NADSYN1: variants seen among roughly 807,000 people sequenced by gnomAD.
NADSYN1 encodes glutamine-dependent NAD(+) synthetase.
NADSYN1 carries 80 observed loss-of-function variants against 99.3 expected under a neutral mutation model. That is an observed-to-expected ratio of 0.81 (90% CI 0.67 to 0.97). The LOEUF is 0.97. Ranked by LOEUF, NADSYN1 falls within the 50% of genes least tolerant of loss-of-function variation. The pLI, the probability that NADSYN1 is intolerant of heterozygous loss-of-function variation, is 0.00. For missense variants in NADSYN1, 859 were observed against 948.5 expected (o/e 0.91, Z 1.24); for synonymous variants, 385 against 372.1 (o/e 1.03, Z -0.40).
At chr11:71,501,003 C>T (rs1949853880) in intron 20 of NADSYN1, among the ~76,000 whole-genome samples, 1 of 152,082 alleles carries the variant, frequency 6.6e-6, no homozygotes. Flanking sequence ...GGGCGGGCTC[C>T]CCCAGATCAG....
chr11:71,457,683 C>G (rs1466130347), intron 2 of NADSYN1, among the ~76,000 whole-genome samples: 3 of 152,164 alleles, frequency 2.0e-5, no homozygotes, highest in Non-Finnish European at 4.4e-5. Context: ...TGGGGAGGGT[C>G]CCTCGTGCCT....
chr11:71,486,286 T>C lies in NADSYN1; in HGVS notation c.1562+638T>C, dbSNP rs1003782769. Among the ~76,000 whole-genome samples the C allele has an allele frequency of 4.6e-5, 7 of 152,056 alleles. 1 individual carries two copies. Among genetic ancestry groups the C allele is most frequent in the African/African-American group, 1.5e-4 (6 of 41,312 alleles). On this transcript the variant is annotated intron_variant, in intron 16 of 20. Transcript: ENST00000319023. ...ATTCATTTGTTTGTCTATGCATCCA[T>C]CTATCCATCCATCAGTTGGGCCATC...
chr11:71,466,044 T>C (rs1201561712), intron 5 of NADSYN1, among the ~76,000 whole-genome samples: 1 of 152,226 alleles, frequency 6.6e-6, no homozygotes, highest in East Asian at 1.9e-4. Context: ...TAATGGGCAA[T>C]TTCGTCTTTT....
At chr11:71,491,551 C>T (rs1441989205) in intron 17 of NADSYN1, among the ~76,000 whole-genome samples, 2 of 152,182 alleles carry the variant, frequency 1.3e-5, no homozygotes, top group African/African-American at 4.8e-5. Flanking sequence ...AGAGTCCCCT[C>T]GACCTAGGTG....
At chr11:71,476,226 G>T (rs776226337) in intron 9 of NADSYN1, 1 of 400,730 alleles carries the variant, frequency 2.5e-6, no homozygotes, top group Admixed American at 2.8e-5. Context: ...CTTTGGACCC[G>T]ACGGCCTTCC....
intron 5 of NADSYN1, among the ~76,000 whole-genome samples, chr11:71,465,599 C>G (rs918344662): frequency 6.6e-6 from 1 of 152,232 alleles, no homozygotes; most frequent in African/African-American, 2.4e-5. Flanking sequence ...ACTGGCATAG[C>G]TGGTCTCCCC....
chr11:71,476,964 G>T (rs762629827), intron 9 of NADSYN1: 251 of 1,003,786 alleles, frequency 2.5e-4, no homozygotes, highest in Non-Finnish European at 2.9e-4. Flanking sequence ...GTAGGCTGTG[G>T]CCACAGGCCT....
In NADSYN1 at chr11:71,491,690, C is replaced by T. The variant is rs1194475437; in HGVS notation, c.1695-144C>T. ...CTCACCCCCGCTGGAAAGCCCAGCA[C>T]CGCAAGCCTTGGTGACGTCCTACCC... On this transcript the variant is annotated intron_variant, in intron 17 of 20. Coordinates refer to ENST00000319023, the MANE Select transcript of NADSYN1 (RefSeq NM_018161.5). The T allele has an allele frequency of 2.8e-6, 2 of 713,038 alleles. 1 individual carries two copies. Among genetic ancestry groups the T allele is most frequent in the South Asian group, 3.5e-5 (2 of 57,322 alleles). 44.2% of individuals were successfully genotyped at this position (713,038 alleles called of 1,614,324 possible).
chr11:71,473,864 C>T (rs756221162), intron 8 of NADSYN1, among the ~76,000 whole-genome samples, 178 bp downstream of exon 8: 3 of 152,230 alleles, frequency 2.0e-5, no homozygotes, highest in Non-Finnish European at 4.4e-5. Context: ...CCGGCACAGC[C>T]CATCTCACCC....
intron 10 of NADSYN1, 199 bp downstream of exon 10, chr11:71,478,668 TGGGCCAGGCCCTGAGCTGG>T (rs1949685723): frequency 3.5e-6 from 2 of 567,168 alleles, no homozygotes; most frequent in East Asian, 6.1e-5. Context: ...ATCCTCTGCT[TGGGCCAGGCCCTGAGCTGG>T]GGTGAGCTGG....
At chr11:71,490,066 G>A (rs1458536259) in intron 16 of NADSYN1, among the ~76,000 whole-genome samples, 2 of 152,154 alleles carry the variant, frequency 1.3e-5, no homozygotes, top group East Asian at 3.9e-4. Flanking sequence ...GTAGGACACA[G>A]GTCCAGTATG....
intron 7 of NADSYN1, 50 bp from the exon 8 acceptor site, chr11:71,473,519 G>A: frequency 1.3e-6 from 2 of 1,563,520 alleles, no homozygotes; most frequent in Non-Finnish European, 1.8e-6. Flanking sequence ...CAGGGAGGCT[G>A]GTTTGGAGGA....
chr11:71,472,347 A>C (rs1195527712), intron 5 of NADSYN1, 102 bp from the exon 6 acceptor site: 1 of 943,738 alleles, frequency 1.1e-6, no homozygotes, highest in Non-Finnish European at 1.8e-6. Context: ...TTGCCAGTTC[A>C]TCAGTTCGGA....
At chr11:71,472,574 CG>C in intron 6 of NADSYN1, 74 bp downstream of exon 6, 5 of 1,390,214 alleles carry the variant, frequency 3.6e-6, no homozygotes, top group South Asian at 2.3e-5. Flanking sequence ...CCAGGTGGGG[CG>C]GGAACGCTTT....
rs540708007 is a variant in NADSYN1, at chr11:71,492,756, G to A, written c.1764+853G>A. Among the ~76,000 whole-genome samples the A allele has an allele frequency of 6.2e-4, 94 of 152,268 alleles. No individual in the cohort carries two copies. The South Asian group carries it at 8.9e-3, about 14-fold the overall frequency. On this transcript the variant is annotated intron_variant, in intron 18 of 20. Coordinates refer to ENST00000319023, the MANE Select transcript of NADSYN1 (RefSeq NM_018161.5). ...TCTCTGGAGAAAAAAAAGCTTTTGC[G>A]TTTTGACGGGGACTGCATGACACTA...
At chr11:71,486,796 CTTTTTTTTTT>C (rs57662255) in intron 16 of NADSYN1, among the ~76,000 whole-genome samples, 9 of 60,970 alleles carry the variant, frequency 1.5e-4, no homozygotes, top group African/African-American at 6.0e-4. Context: ...GCGTGAGTGT[CTTTTTTTTTT>C]TTTTTTTTTT....
chr11:71,484,484 G>A, intron 15 of NADSYN1, 37 bp downstream of exon 15: 1 of 1,591,252 alleles, frequency 6.3e-7, no homozygotes, highest in South Asian at 1.1e-5. Context: ...TGGGGGTGGG[G>A]GTGCAGGGAG....
chr11:71,495,423 T>G (rs924506328), intron 18 of NADSYN1, among the ~76,000 whole-genome samples: 3 of 152,240 alleles, frequency 2.0e-5, no homozygotes, highest in Non-Finnish European at 4.4e-5. Context: ...CTGAGGCTTC[T>G]CTCGTGGCTC....
chr11:71,498,202 G>T (rs1949833321), intron 19 of NADSYN1, 150 bp from the exon 20 acceptor site: 2 of 867,964 alleles, frequency 2.3e-6, no homozygotes, highest in East Asian at 5.5e-5. Flanking sequence ...CCCGGCCTGA[G>T]CACGGGCATC....
Sources: allele counts gnomAD v4.1 joint callset (sites outside exome capture counted in the v4.1 genomes callset), GRCh38; gene constraint gnomAD v4.1.1; transcripts MANE v1.5; gene names NCBI Gene and HGNC (gene_info 2026-07-23, HGNC 2026-07-21).